SPMAP2: variants seen among roughly 807,000 people sequenced by gnomAD.
SPMAP2 encodes the protein sperm microtubule associated protein 2.
the SPMAP2 span, chr19:362,269 G>A: frequency 7.0e-5 from 112 of 1,594,826 alleles, no homozygotes; most frequent in Middle Eastern, 8.3e-4. Flanking sequence ...TCATAGAGGC[G>A]AGGGGACGCC....
chr19:365,533 G>A, the SPMAP2 span, among the ~76,000 whole-genome samples: 2 of 68,142 alleles, frequency 2.9e-5, no homozygotes, highest in Non-Finnish European at 7.9e-5. Flanking sequence ...CACAGCAAGT[G>A]TGAGCACACA....
the SPMAP2 span, among the ~76,000 whole-genome samples, chr19:367,997 T>G: frequency 6.6e-6 from 1 of 152,092 alleles, no homozygotes; most frequent in African/African-American, 2.4e-5. Context: ...ACGATGGCAG[T>G]GGGGCAGTGC....
At chr19:370,508 A>AT in the SPMAP2 span, among the ~76,000 whole-genome samples, 107,112 of 141,320 alleles carry the variant, frequency 0.76, 41,937 homozygotes, top group Non-Finnish European at 0.88. Flanking sequence ...CCCCCGGCTA[A>AT]TTTTTTTTTT....
the SPMAP2 span, chr19:371,412 CTGTCTGTCTTTCCCAGCTCCTCCATATG>C: frequency 1.8e-6 from 1 of 560,776 alleles, no homozygotes; most frequent in Admixed American, 3.2e-5. Flanking sequence ...GTGTATGTGT[CTGTCTGTCTTTCCCAGCTCCTCCATATG>C]TGTCTGTCTG....
At chr19:374,785 G>A in the SPMAP2 span, among the ~76,000 whole-genome samples, 4 of 152,336 alleles carry the variant, frequency 2.6e-5, no homozygotes, top group Admixed American at 1.3e-4. Context: ...TGTATGCCAG[G>A]CCCCAGAGGG....
the SPMAP2 span, among the ~76,000 whole-genome samples, chr19:363,349 C>T: frequency 6.6e-6 from 1 of 151,848 alleles, no homozygotes; most frequent in African/African-American, 2.4e-5. Context: ...TGCACCACCA[C>T]AGCCAGCTAA....
chr19:364,685 C>T, the SPMAP2 span, among the ~76,000 whole-genome samples: 3 of 152,234 alleles, frequency 2.0e-5, no homozygotes, highest in Admixed American at 2.0e-4. Context: ...CATCTCCTCC[C>T]CCTGGCTGGG....
chr19:363,679 G>A, the SPMAP2 span, among the ~76,000 whole-genome samples: 18 of 148,398 alleles, frequency 1.2e-4, no homozygotes, highest in Non-Finnish European at 2.2e-4. Context: ...GGCTACAGGC[G>A]CCCGCCACCA....
At chr19:371,160 A>C in the SPMAP2 span, 1 of 1,210,924 alleles carries the variant, frequency 8.3e-7, no homozygotes, top group Non-Finnish European at 1.1e-6. Flanking sequence ...GCCGGGTCCC[A>C]GCCCGCCTGG....
the SPMAP2 span, among the ~76,000 whole-genome samples, chr19:373,215 G>A: frequency 6.6e-6 from 1 of 152,192 alleles, no homozygotes; most frequent in African/African-American, 2.4e-5. Context: ...GGAAATCATT[G>A]TGGAAGGGAA....
chr19:364,960 C>T, the SPMAP2 span, among the ~76,000 whole-genome samples: 5 of 152,172 alleles, frequency 3.3e-5, no homozygotes, highest in Non-Finnish European at 7.4e-5. Context: ...GGAACTTCTG[C>T]GCAAATGAAT....
At chr19:374,647 T>C in the SPMAP2 span, 1 of 575,396 alleles carries the variant, frequency 1.7e-6, no homozygotes, top group East Asian at 2.9e-5. Flanking sequence ...CCAGGTCACC[T>C]GTCTCCCCTG....
the SPMAP2 span, chr19:374,023 CAG>C: frequency 1.2e-6 from 2 of 1,612,238 alleles, no homozygotes; most frequent in African/African-American, 2.7e-5. Flanking sequence ...TGCGAGGAGA[CAG>C]GGTCCGAGCC....
At chr19:375,072 C>A in the SPMAP2 span, among the ~76,000 whole-genome samples, 1 of 152,112 alleles carries the variant, frequency 6.6e-6, no homozygotes, top group Non-Finnish European at 1.5e-5. Context: ...GGGGGCAGGT[C>A]GGGCACGTGC....
chr19:373,493 G>A, the SPMAP2 span: 2 of 1,613,448 alleles, frequency 1.2e-6, no homozygotes, highest in Non-Finnish European at 1.7e-6. Flanking sequence ...GGTGAGGGTG[G>A]TGTCCTCAAG....
At chr19:369,281 A>T in the SPMAP2 span, among the ~76,000 whole-genome samples, 1 of 152,316 alleles carries the variant, frequency 6.6e-6, no homozygotes, top group African/African-American at 2.4e-5. Context: ...CAAACCAACA[A>T]GCAAGAAAGC....
At chr19:363,799 T>C in the SPMAP2 span, among the ~76,000 whole-genome samples, 1 of 151,626 alleles carries the variant, frequency 6.6e-6, no homozygotes, top group Non-Finnish European at 1.5e-5. Context: ...CCTCCCAAAG[T>C]ACTGGGATTA....
the SPMAP2 span, chr19:361,775 C>A: frequency 1.3e-5 from 1 of 78,282 alleles, no homozygotes; most frequent in Non-Finnish European, 2.6e-5. Context: ...TCAGCAGGAG[C>A]GTCGGCTGCT....
the SPMAP2 span, chr19:362,543 G>A: frequency 5.4e-3 from 3,945 of 735,238 alleles, 27 homozygotes; most frequent in Non-Finnish European, 4.8e-3. Flanking sequence ...TGAGGCAGGT[G>A]GATCACCTGA....
Sources: gnomAD v4.1 joint callset for allele counts (sites outside exome capture counted in the v4.1 genomes callset) on GRCh38, gnomAD v4.1.1 for gene constraint, MANE v1.5 for transcripts, NCBI Gene and HGNC (gene_info 2026-07-23, HGNC 2026-07-21) for gene names.